EPHA4: variants seen among roughly 807,000 people sequenced by gnomAD.
EPHA4 encodes EPH receptor A4, also known as ephrin type-A receptor 4.
In EPHA4, 19 loss-of-function variants were observed where a neutral mutation model predicts 108.3. That is an observed-to-expected ratio of 0.18 (90% CI 0.12 to 0.26). The LOEUF (loss-of-function observed/expected upper bound fraction) is 0.26, where lower values mean the gene tolerates loss of function less well. Ranked by LOEUF, EPHA4 falls within the 10% of genes least tolerant of loss-of-function variation. EPHA4 has a pLI of 1.00. For synonymous variants in EPHA4, 449 were observed against 455.5 expected (o/e 0.99, Z 0.18); for missense variants, 917 against 1,254.0 (o/e 0.73, Z 4.06).
intron 4 of EPHA4, among the ~76,000 whole-genome samples, chr2:221,500,738 A>G (rs1559268373): frequency 6.6e-6 from 1 of 152,094 alleles, no homozygotes; most frequent in Non-Finnish European, 1.5e-5. Flanking sequence ...AATAAATTCC[A>G]ATCTCAGCTC....
intron 4 of EPHA4, among the ~76,000 whole-genome samples, chr2:221,488,200 A>G (rs1310226034): frequency 1.3e-5 from 2 of 152,220 alleles, no homozygotes; most frequent in African/African-American, 4.8e-5. Context: ...ATTGACCTTC[A>G]GACCATTTCG....
At chr2:221,550,317 T>C (rs1694118918) in intron 3 of EPHA4, among the ~76,000 whole-genome samples, 1 of 152,036 alleles carries the variant, frequency 6.6e-6, no homozygotes, top group Non-Finnish European at 1.5e-5. Context: ...AAAGAAAAGA[T>C]AGTTCTCATG....
At chr2:221,476,525 G>A (rs1217976015) in intron 5 of EPHA4, among the ~76,000 whole-genome samples, 1 of 152,164 alleles carries the variant, frequency 6.6e-6, no homozygotes, top group Admixed American at 6.5e-5. Context: ...CTGAAGCTCT[G>A]TTACTAGTCT....
chr2:221,438,600 C>T (rs1032855591), intron 11 of EPHA4, among the ~76,000 whole-genome samples: 1 of 151,954 alleles, frequency 6.6e-6, no homozygotes, highest in Non-Finnish European at 1.5e-5. Context: ...CCAGCCTAGC[C>T]AACATGGTGA....
At chr2:221,539,627 C>T (rs949799340) in intron 3 of EPHA4, among the ~76,000 whole-genome samples, 33 of 152,270 alleles carry the variant, frequency 2.2e-4, no homozygotes, top group South Asian at 1.9e-3. Context: ...TAAAATACAG[C>T]GTAAACTCCT....
At chr2:221,448,003 C>T (rs960734232) in intron 8 of EPHA4, among the ~76,000 whole-genome samples, 3 of 151,784 alleles carry the variant, frequency 2.0e-5, no homozygotes, top group Non-Finnish European at 2.9e-5. Context: ...CACCCATGCT[C>T]GGCTAATTTT....
At chr2:221,566,643 C>T (rs1039222150) in intron 2 of EPHA4, among the ~76,000 whole-genome samples, 2 of 151,472 alleles carry the variant, frequency 1.3e-5, no homozygotes, top group African/African-American at 4.9e-5. Flanking sequence ...AAAAAACCTG[C>T]TTATATCCAG....
chr2:221,489,524 G>A (rs1419894149), intron 4 of EPHA4, among the ~76,000 whole-genome samples: 1 of 152,036 alleles, frequency 6.6e-6, no homozygotes. Context: ...TCTTATCCCT[G>A]GAATAGTTCT....
intron 3 of EPHA4, among the ~76,000 whole-genome samples, chr2:221,521,894 T>C (rs1693175473): frequency 6.6e-6 from 1 of 152,190 alleles, no homozygotes. Flanking sequence ...TGAGAATCGC[T>C]TGAACCCAGG....
intron 5 of EPHA4, among the ~76,000 whole-genome samples, chr2:221,469,346 A>C (rs1691407041): frequency 6.6e-6 from 1 of 152,186 alleles, no homozygotes; most frequent in African/African-American, 2.4e-5. Context: ...GAAAAGTAAT[A>C]ATTTTCATAG....
At chr2:221,424,141 T>TAATAATAA (rs201757702) in intron 17 of EPHA4, among the ~76,000 whole-genome samples, 2 of 93,748 alleles carry the variant, frequency 2.1e-5, no homozygotes, top group African/African-American at 6.8e-5. Context: ...ATAATAATAA[T>TAATAATAA]TTTTTTTTTT....
chr2:221,518,841 G>A (rs1693068957), intron 3 of EPHA4, among the ~76,000 whole-genome samples: 1 of 152,184 alleles, frequency 6.6e-6, no homozygotes, highest in South Asian at 2.1e-4. Flanking sequence ...TAAAAGGTGG[G>A]AGGAGCAGGG....
intron 3 of EPHA4, among the ~76,000 whole-genome samples, chr2:221,546,569 C>G (rs1458111388): frequency 1.3e-5 from 2 of 151,848 alleles, no homozygotes; most frequent in Non-Finnish European, 2.9e-5. Flanking sequence ...GAAGCATGAA[C>G]TAACTAAAGG....
intron 3 of EPHA4, among the ~76,000 whole-genome samples, chr2:221,543,178 A>G (rs1693889956): frequency 6.6e-6 from 1 of 152,236 alleles, no homozygotes; most frequent in Non-Finnish European, 1.5e-5. Context: ...GGCCAAGGAT[A>G]TTAAGGGCAA....
chr2:221,506,208 C>G (rs1692625952), intron 3 of EPHA4, among the ~76,000 whole-genome samples: 1 of 152,040 alleles, frequency 6.6e-6, no homozygotes, highest in Admixed American at 6.6e-5. Flanking sequence ...ATCCAGTATG[C>G]TTAGGCATCT....
rs189450669 is a variant in EPHA4 at position 221,473,768 on chromosome 2, C to T, written c.1318+8584G>A. ...ATTGGAAACCCTTGCTAGCCCTGCC[C>T]TGCCCATTTCTCATCTCAGCCAGGC... On this transcript the variant is annotated intron_variant, in intron 5 of 17. Transcript: ENST00000281821. Among the ~76,000 whole-genome samples, 3 of 152,146 alleles carry T rather than the reference C, an allele frequency of 2.0e-5. No homozygotes were observed. In the East Asian group the frequency reaches 5.8e-4, roughly 29 times the overall value.
intron 4 of EPHA4, among the ~76,000 whole-genome samples, chr2:221,485,914 A>G (rs1223933603): frequency 6.6e-6 from 1 of 152,190 alleles, no homozygotes; most frequent in African/African-American, 2.4e-5. Flanking sequence ...GCTAAAAAGA[A>G]GAGAAAACTG....
intron 5 of EPHA4, among the ~76,000 whole-genome samples, chr2:221,468,953 C>T (rs1456911501): frequency 6.6e-6 from 1 of 152,176 alleles, no homozygotes; most frequent in Admixed American, 6.5e-5. Flanking sequence ...ATAGGGAAAT[C>T]CAAATCATCT....
At chr2:221,523,421 G>A (rs1693233426) in intron 3 of EPHA4, among the ~76,000 whole-genome samples, 1 of 151,938 alleles carries the variant, frequency 6.6e-6, no homozygotes, top group Non-Finnish European at 1.5e-5. Context: ...CCGAGTAGCT[G>A]GGATTACAAG....
Sources: allele counts gnomAD v4.1 joint callset (sites outside exome capture counted in the v4.1 genomes callset), GRCh38; gene constraint gnomAD v4.1.1; transcripts MANE v1.5; gene names NCBI Gene and HGNC (gene_info 2026-07-23, HGNC 2026-07-21).